The following FHOD3 variants were observed in gnomAD, a reference collection of about 807,000 sequenced individuals.
FHOD3 encodes the protein FH1/FH2 domain-containing protein 3.
Under a neutral mutation model 173.0 loss-of-function variants are expected in FHOD3, and 90 were observed. That is an observed-to-expected ratio of 0.52 (90% CI 0.44 to 0.62). FHOD3 has a LOEUF of 0.62. FHOD3 is among the 20% of genes least tolerant of loss of function. FHOD3 has a pLI of 0.00. For synonymous variants in FHOD3, 828 were observed against 823.0 expected (o/e 1.01, Z -0.10); for missense variants, 1,945 against 2,034.7 (o/e 0.96, Z 0.85).
intron 1 of FHOD3, among the ~76,000 whole-genome samples, chr18:36,335,103 T>A (rs969822905): frequency 6.6e-6 from 1 of 152,214 alleles, no homozygotes; most frequent in Admixed American, 6.5e-5. Context: ...CAGGGGTGTC[T>A]AATCTTTTGG....
intron 14 of FHOD3, among the ~76,000 whole-genome samples, chr18:36,669,889 T>C (rs1417608288): frequency 4.6e-5 from 7 of 152,100 alleles, no homozygotes; most frequent in Admixed American, 3.3e-4. Flanking sequence ...TGTGGTATTA[T>C]TTATCTTCTG....
At chr18:36,701,847 AT>A (rs2039607680) in intron 17 of FHOD3, among the ~76,000 whole-genome samples, 1 of 152,148 alleles carries the variant, frequency 6.6e-6, no homozygotes, top group African/African-American at 2.4e-5. Flanking sequence ...TTTGAAGGTA[AT>A]TTTGACTATA....
At position 36,327,627 on chromosome 18, in the gene FHOD3, C is replaced by G. The variant is rs538858185; in HGVS notation, c.166-27912C>G. 4.0e-5 allele frequency among the ~76,000 whole-genome samples: 6 copies of G among 151,680 alleles called. No individual in the cohort carries two copies. In the South Asian group the frequency reaches 1.2e-3, roughly 31 times the overall value. The stretch of plus-strand genomic sequence containing the variant: ...GTAGGGCACTGAACCCAAGTCTTTC[C>G]TCCCCACTGCCATCATCTCTCTCTC... On this transcript the variant is annotated intron_variant, in intron 1 of 28. Coordinates refer to ENST00000590592, the MANE Select transcript of FHOD3 (RefSeq NM_001281740.3).
chr18:36,612,665 AT>A (rs1222016638), intron 9 of FHOD3, among the ~76,000 whole-genome samples: 1 of 152,240 alleles, frequency 6.6e-6, no homozygotes, highest in Non-Finnish European at 1.5e-5. Context: ...AAAAATTAAA[AT>A]TTAAAATTAT....
intron 19 of FHOD3, among the ~76,000 whole-genome samples, chr18:36,720,236 CTT>C (rs35295640): frequency 1.0e-4 from 12 of 119,154 alleles, no homozygotes; most frequent in Non-Finnish European, 1.2e-4. Flanking sequence ...CGTTCCAATT[CTT>C]TTTTTTTTTT....
At chr18:36,330,449 GGA>G in intron 1 of FHOD3, among the ~76,000 whole-genome samples, 2 of 152,212 alleles carry the variant, frequency 1.3e-5, no homozygotes, top group Non-Finnish European at 2.9e-5. Context: ...CACAGTTACA[GGA>G]GAGACTTGCC....
chr18:36,474,986 TACACACACACACACACACACACAC>T (rs3056805), intron 3 of FHOD3, among the ~76,000 whole-genome samples: 1 of 108,004 alleles, frequency 9.3e-6, no homozygotes, highest in African/African-American at 3.5e-5. Context: ...AATACACACA[TACACACACACACACACACACACAC>T]ACACACACAC....
intron 9 of FHOD3, among the ~76,000 whole-genome samples, chr18:36,624,804 A>G (rs1405700122): frequency 6.6e-6 from 1 of 152,196 alleles, no homozygotes; most frequent in Non-Finnish European, 1.5e-5. Flanking sequence ...ACTCTTAGGA[A>G]ACTTTAAAAC....
chr18:36,638,670 G>T (rs1472500776), intron 10 of FHOD3, among the ~76,000 whole-genome samples: 1 of 152,182 alleles, frequency 6.6e-6, no homozygotes, highest in Non-Finnish European at 1.5e-5. Flanking sequence ...CAGAACAATT[G>T]AATGCAGTTT....
intron 14 of FHOD3, among the ~76,000 whole-genome samples, chr18:36,661,406 T>C (rs1285135470): frequency 1.3e-5 from 2 of 152,210 alleles, no homozygotes; most frequent in Non-Finnish European, 2.9e-5. Context: ...TATATACATA[T>C]ATTATTAAAA....
intron 10 of FHOD3, among the ~76,000 whole-genome samples, chr18:36,632,122 A>G (rs1414850237): frequency 2.0e-5 from 3 of 152,232 alleles, no homozygotes; most frequent in East Asian, 1.9e-4. Flanking sequence ...ATGGACATTT[A>G]CATTTTAAAT....
chr18:36,451,568 A>G (rs2144320705), intron 3 of FHOD3, among the ~76,000 whole-genome samples: 1 of 152,054 alleles, frequency 6.6e-6, no homozygotes, highest in East Asian at 1.9e-4. Context: ...ATCTAGATTG[A>G]CTCAGCCAGT....
At chr18:36,611,266 A>C (rs369489782) in intron 8 of FHOD3, among the ~76,000 whole-genome samples, 15 of 152,234 alleles carry the variant, frequency 9.9e-5, no homozygotes, top group African/African-American at 3.6e-4. Context: ...GCCACGTAAC[A>C]AATTACTGCA....
rs1322867438 is a variant in FHOD3 at position 36,755,289 on chromosome 18, C to G, written c.4403C>G (p.Thr1468Ser). The G allele has an allele frequency of 6.3e-7, 1 of 1,593,822 alleles. No individual in the cohort carries two copies. The highest frequency in any genetic ancestry group is 8.6e-7 in the Non-Finnish European group (1 of 1,168,180). The change falls in exon 25 of 29, where the codon ACC (threonine) becomes AGC (serine). Residue 1468 changes from threonine (T) to serine (S), a missense_variant. Coordinates refer to ENST00000590592, the MANE Select transcript of FHOD3 (RefSeq NM_001281740.3). ...KRANHRERNK[T>S]RGKMITDTDE... ...GCCAACCACAGAGAGAGAAATAAGA[C>G]CAGAGGGAAGATGATCACCGATGTA...
chr18:36,655,874 A>G (rs572249105), intron 13 of FHOD3, among the ~76,000 whole-genome samples: 2 of 152,364 alleles, frequency 1.3e-5, no homozygotes, highest in South Asian at 4.1e-4. Flanking sequence ...AGACATTAGG[A>G]AAACCAAAGG....
intron 14 of FHOD3, among the ~76,000 whole-genome samples, chr18:36,665,437 TAGG>T (rs2037114811): frequency 6.6e-6 from 1 of 152,088 alleles, no homozygotes; most frequent in Non-Finnish European, 1.5e-5. Flanking sequence ...TGAACCTTCA[TAGG>T]AGAGCTGAAA....
intron 5 of FHOD3, among the ~76,000 whole-genome samples, chr18:36,568,776 A>G (rs1198629063): frequency 1.3e-5 from 2 of 152,240 alleles, no homozygotes; most frequent in Non-Finnish European, 2.9e-5. Flanking sequence ...CCAGAGTTTC[A>G]TAACATTATT....
chr18:36,685,892 A>T (rs2038578975), intron 15 of FHOD3, among the ~76,000 whole-genome samples: 1 of 152,206 alleles, frequency 6.6e-6, no homozygotes, highest in Admixed American at 6.5e-5. Flanking sequence ...AAACAGCAGG[A>T]ACAGAAAAAC....
chr18:36,767,955 A>C (rs1003767922), intron 27 of FHOD3, among the ~76,000 whole-genome samples: 1 of 150,370 alleles, frequency 6.7e-6, no homozygotes, highest in African/African-American at 2.4e-5. Flanking sequence ...ACCAAAACTT[A>C]AAAAAAAAAT....
Sources: allele counts gnomAD v4.1 joint callset (sites outside exome capture counted in the v4.1 genomes callset), GRCh38; gene constraint gnomAD v4.1.1; transcripts MANE v1.5; gene names NCBI Gene and HGNC (gene_info 2026-07-23, HGNC 2026-07-21).